Variants in ASB3 observed in about 807,000 individuals in gnomAD.
The protein encoded by ASB3 is ankyrin repeat and SOCS box containing 3, also known as ankyrin repeat and SOCS box protein 3.
In ASB3, 41 loss-of-function variants were observed where a neutral mutation model predicts 54.5. The ratio of observed to expected loss-of-function variants is 0.75; its 90% confidence interval spans 0.59 to 0.98. ASB3 has a LOEUF of 0.98. Among genes scored for constraint, ASB3 ranks in the 50% least tolerant of loss-of-function variants. The probability of loss-of-function intolerance (pLI) is 0.00; values close to 1 mark genes in which losing one functional copy is unlikely to be tolerated. For synonymous variants in ASB3, 266 were observed against 221.2 expected (o/e 1.20, Z -1.80); for missense variants, 733 against 620.0 (o/e 1.18, Z -1.94).
At chr2:53,698,274 G>A (rs1465040673) in intron 8 of ASB3, among the ~76,000 whole-genome samples, 1 of 152,274 alleles carries the variant, frequency 6.6e-6, no homozygotes, top group East Asian at 1.9e-4. Flanking sequence ...AAGATCTCTG[G>A]AATGCCTTCA....
chr2:53,714,256 T>TTG, intron 7 of ASB3, 128 bp downstream of exon 7: 1 of 1,181,642 alleles, frequency 8.5e-7, no homozygotes, highest in East Asian at 2.6e-5. Flanking sequence ...TTTTTCCTAT[T>TTG]TGTGTTCCAA....
At chr2:53,749,773 G>A (rs1672418097) in intron 3 of ASB3, among the ~76,000 whole-genome samples, 1 of 151,986 alleles carries the variant, frequency 6.6e-6, no homozygotes, top group African/African-American at 2.4e-5. Context: ...GGTGGAGCTG[G>A]GGAGAGGGAA....
intron 5 of ASB3, among the ~76,000 whole-genome samples, chr2:53,721,277 G>A (rs1402873367): frequency 6.6e-6 from 1 of 151,332 alleles, no homozygotes; most frequent in Non-Finnish European, 1.5e-5. Flanking sequence ...GCTCTTGGCT[G>A]GGCACAGTGG....
intron 7 of ASB3, among the ~76,000 whole-genome samples, chr2:53,707,247 G>A (rs1669829725): frequency 6.6e-6 from 1 of 152,194 alleles, no homozygotes; most frequent in African/African-American, 2.4e-5. Context: ...AGCCACATGT[G>A]GCTGGTGGCT....
chr2:53,686,805 C>T (rs1668657961), intron 9 of ASB3, among the ~76,000 whole-genome samples: 2 of 152,162 alleles, frequency 1.3e-5, no homozygotes, highest in African/African-American at 4.8e-5. Flanking sequence ...CAACCTCCAC[C>T]TCCTGCAGGA....
intron 5 of ASB3, among the ~76,000 whole-genome samples, chr2:53,723,835 G>C (rs985282750): frequency 7.9e-5 from 12 of 152,086 alleles, no homozygotes; most frequent in Non-Finnish European, 1.8e-4. Context: ...CAATGAGTTA[G>C]AGACTCCTTA....
chr2:53,737,928 T>C (rs1671734373), intron 3 of ASB3, among the ~76,000 whole-genome samples: 2 of 152,140 alleles, frequency 1.3e-5, no homozygotes, highest in African/African-American at 4.8e-5. Context: ...TGAAAAATGA[T>C]TTAAAACCTA....
rs1484544694 is a variant in ASB3 at position 53,740,166 on chromosome 2, CT to C, written c.356-10597del. ...TATATATGAATTTTTAATGGTATCT[CT>C]ACTTTTTTGAGTTCTACATGTACTC... On this transcript the variant is annotated intron_variant, in intron 3 of 9. Transcript: ENST00000263634. 2.6e-5 allele frequency among the ~76,000 whole-genome samples: 4 copies of C among 152,272 alleles called. No individual in the cohort carries two copies. The East Asian group carries it at 7.7e-4, about 29-fold the overall frequency.
Position 53,786,946 on chromosome 2 carries a change from C to T in ASB3, c.-139G>A. The stretch of plus-strand genomic sequence containing the variant: ...CAGCCGTCCGAAAACGAGAGACGCG[C>T]AGGCGACGTCCCGGCCCCCGTAGGC... On this transcript the variant is annotated 5_prime_UTR_variant, in exon 1 of 10. Coordinates refer to ENST00000263634, the MANE Select transcript of ASB3 (RefSeq NM_016115.5). 2.3e-6 allele frequency: 1 copy of T among 436,340 alleles called. No individual in the cohort carries two copies. Among genetic ancestry groups the T allele is most frequent in the Admixed American group, 3.9e-5 (1 of 25,756 alleles). The allele number at this position is 436,340 out of a possible 1,614,324, so 27.0% of individuals were successfully genotyped here. A position where few individuals can be genotyped will look rare whatever the true frequency, so the allele number is the denominator to read the frequency against.
chr2:53,696,486 A>T (rs1379666340), intron 8 of ASB3, among the ~76,000 whole-genome samples: 4 of 152,168 alleles, frequency 2.6e-5, no homozygotes, highest in Admixed American at 6.6e-5. Context: ...CAAGTAGTCC[A>T]TTTAGTTGGC....
At chr2:53,765,860 G>T (rs528954172) in intron 1 of ASB3, among the ~76,000 whole-genome samples, 15 of 152,162 alleles carry the variant, frequency 9.9e-5, no homozygotes, top group Non-Finnish European at 1.8e-4. Context: ...AATGTTTGAG[G>T]AGTAGGCTTC....
At chr2:53,728,190 C>A (rs189866732) in intron 5 of ASB3, among the ~76,000 whole-genome samples, 44 of 152,242 alleles carry the variant, frequency 2.9e-4, no homozygotes, top group Admixed American at 8.5e-4. Flanking sequence ...AAGAATGCCA[C>A]CTGAACACAC....
intron 7 of ASB3, among the ~76,000 whole-genome samples, chr2:53,708,689 T>C (rs964210159): frequency 3.3e-5 from 5 of 152,200 alleles, no homozygotes; most frequent in Admixed American, 6.5e-5. Flanking sequence ...AGGTCTCAGA[T>C]GGAAAAGCAG....
chr2:53,757,733 C>T (rs1447139426), intron 2 of ASB3, among the ~76,000 whole-genome samples: 1 of 152,212 alleles, frequency 6.6e-6, no homozygotes, highest in East Asian at 1.9e-4. Flanking sequence ...AGATATACAG[C>T]TCTCAACATG....
intron 1 of ASB3, among the ~76,000 whole-genome samples, chr2:53,772,105 C>A (rs555874786): frequency 6.6e-6 from 1 of 151,918 alleles, no homozygotes; most frequent in South Asian, 2.1e-4. Flanking sequence ...AAAACTGAGG[C>A]CAATAAGAAA....
intron 9 of ASB3, among the ~76,000 whole-genome samples, chr2:53,687,886 G>T (rs1668713389): frequency 6.6e-6 from 1 of 152,110 alleles, no homozygotes; most frequent in South Asian, 2.1e-4. Context: ...CATGAACACG[G>T]CTCACTGCAG....
intron 3 of ASB3, among the ~76,000 whole-genome samples, chr2:53,733,476 C>G (rs1308370653): frequency 2.0e-5 from 3 of 149,240 alleles, no homozygotes; most frequent in Non-Finnish European, 4.4e-5. Flanking sequence ...GATTCTCACT[C>G]TGTCGCCCAA....
At chr2:53,692,304 A>G (rs746821398) in intron 9 of ASB3, among the ~76,000 whole-genome samples, 2 of 152,200 alleles carry the variant, frequency 1.3e-5, no homozygotes, top group Non-Finnish European at 2.9e-5. Flanking sequence ...AGGAAAAATA[A>G]CAAGTTCAAT....
In ASB3 at chr2:53,704,478, T is replaced by C. The variant is rs1669663730; in HGVS notation, c.981-3950A>G. Among the ~76,000 whole-genome samples, 4 of 152,188 alleles carry C rather than the reference T, an allele frequency of 2.6e-5. No individual in the cohort carries two copies. In the South Asian group the frequency reaches 8.3e-4, roughly 31 times the overall value. On this transcript the variant is annotated intron_variant, in intron 7 of 9. Coordinates refer to ENST00000263634, the MANE Select transcript of ASB3 (RefSeq NM_016115.5). ...TAATTAATTTAATTAATTTTAGTCA[T>C]GTGATTGTAGGCAATCCAAATTTTA...
Sources: gnomAD v4.1 joint callset for allele counts (sites outside exome capture counted in the v4.1 genomes callset) on GRCh38, gnomAD v4.1.1 for gene constraint, MANE v1.5 for transcripts, NCBI Gene and HGNC (gene_info 2026-07-23, HGNC 2026-07-21) for gene names.